The following MYL12A variants were observed in gnomAD, a reference collection of about 807,000 sequenced individuals.
The protein encoded by MYL12A is myosin regulatory light chain 12A.
In MYL12A, 11 loss-of-function variants were observed where a neutral mutation model predicts 13.3. The observed-to-expected ratio is 0.83, with a 90% CI of 0.52 to 1.37. The LOEUF (loss-of-function observed/expected upper bound fraction) is 1.37. Among genes scored for constraint, MYL12A ranks in the 40% most tolerant of loss-of-function variants. The pLI, the probability that MYL12A is intolerant of heterozygous loss-of-function variation, is 0.00. For missense variants in MYL12A, 146 were observed against 212.3 expected (o/e 0.69, Z 1.94); for synonymous variants, 51 against 69.9 (o/e 0.73, Z 1.35).
At chr18:3,255,651 G>A (rs968962346) in intron 3 of MYL12A, 95 bp from the exon 4 acceptor site, 1 of 1,391,178 alleles carries the variant, frequency 7.2e-7, no homozygotes, top group African/African-American at 1.5e-5. Flanking sequence ...TTTATAGTTT[G>A]TAACATACAG....
intron 2 of MYL12A, 159 bp downstream of exon 2, chr18:3,253,587 TCGTGACC>T (rs2081508614): frequency 1.3e-5 from 12 of 930,086 alleles, no homozygotes; most frequent in Non-Finnish European, 1.9e-5. Context: ...ACCAGCAGAT[TCGTGACC>T]CTGTCTTAGG....
At chr18:3,251,221 A>T (rs1298194758) in intron 1 of MYL12A, among the ~76,000 whole-genome samples, 1 of 152,174 alleles carries the variant, frequency 6.6e-6, no homozygotes, top group Non-Finnish European at 1.5e-5. Context: ...TGATTAAAAG[A>T]ATAGGAAATA....
intron 1 of MYL12A, among the ~76,000 whole-genome samples, chr18:3,252,062 G>A (rs545725060): frequency 1.3e-5 from 2 of 152,144 alleles, no homozygotes; most frequent in Admixed American, 1.3e-4. Context: ...CATTCTTAGG[G>A]TCACTTTGGA....
chr18:3,248,360 A>G (rs972826237), intron 1 of MYL12A: 7 of 152,204 alleles, frequency 4.6e-5, no homozygotes, highest in African/African-American at 1.7e-4. Flanking sequence ...CCGCTCCTGT[A>G]ATTAGAACTT....
In MYL12A at chr18:3,253,219, C is replaced by T; in HGVS notation, c.-15-14C>T. 2 of 1,581,438 alleles carry T rather than the reference C, an allele frequency of 1.3e-6. No individual in the cohort carries two copies. Among genetic ancestry groups the T allele is most frequent in the South Asian group, 2.3e-5 (2 of 86,880 alleles). The stretch of plus-strand genomic sequence containing the variant: ...TGTTGATTTGGTTTTTATTGTATTT[C>T]CTTTCCTAATTAGGACTTAACCACC... On this transcript the variant is annotated splice_polypyrimidine_tract_variant and intron_variant, in intron 1 of 3. Transcript: ENST00000217652.
At chr18:3,253,777 GC>G (rs2081510819) in intron 2 of MYL12A, 111 bp from the exon 3 acceptor site, 2 of 1,197,192 alleles carry the variant, frequency 1.7e-6, no homozygotes, top group African/African-American at 1.6e-5. Context: ...TCTCATGAGT[GC>G]AAACAGTAAA....
At position 3,255,680 on chromosome 18, in the gene MYL12A, T is replaced by G. The variant is rs546861041; in HGVS notation, c.344-66T>G. 2.5e-4 allele frequency: 384 copies of G among 1,526,328 alleles called. 7 individuals carry two copies. In the South Asian group the frequency reaches 4.5e-3, roughly 18 times the overall value. The allele number at this position is 1,526,328 out of a possible 1,614,324, so 94.5% of individuals were successfully genotyped here. On this transcript the variant is annotated intron_variant, in intron 3 of 3. Coordinates refer to ENST00000217652, the MANE Select transcript of MYL12A (RefSeq NM_006471.4). The stretch of plus-strand genomic sequence containing the variant: ...CATACAGAACATGCTTAGTCAAGTA[T>G]AGATATTCTTTGTAATTAACCCTCA...
intron 1 of MYL12A, chr18:3,249,640 T>G (rs543938165): frequency 6.6e-6 from 1 of 152,418 alleles, no homozygotes; most frequent in South Asian, 2.1e-4. Context: ...CTGGGTGCGG[T>G]GGCTCACGCC....
chr18:3,256,066 C>A lies in MYL12A; in HGVS notation c.*148C>A. 1 of 999,248 alleles carries A rather than the reference C, an allele frequency of 1.0e-6. No individual in the cohort carries two copies. The highest frequency in any genetic ancestry group is 1.5e-6 in the Non-Finnish European group (1 of 685,488). 61.9% of individuals were successfully genotyped at this position (999,248 alleles called of 1,614,324 possible). Reference sequence around the variant, plus strand: ...GGGCATATGTATCTTTATAATCAGACTGGAAACGGGACTTTCTATTAATAT... The same window carrying A: ...GGGCATATGTATCTTTATAATCAGAATGGAAACGGGACTTTCTATTAATAT... On this transcript the variant is annotated 3_prime_UTR_variant, in exon 4 of 4. Coordinates refer to ENST00000217652, the MANE Select transcript of MYL12A (RefSeq NM_006471.4).
intron 3 of MYL12A, 144 bp downstream of exon 3, chr18:3,254,194 C>A: frequency 1.0e-6 from 1 of 967,072 alleles, no homozygotes; most frequent in Non-Finnish European, 1.5e-6. Flanking sequence ...GCATGTTTGT[C>A]ACTCACTTTG....
At chr18:3,250,489 A>T (rs980520807) in intron 1 of MYL12A, among the ~76,000 whole-genome samples, 1 of 152,170 alleles carries the variant, frequency 6.6e-6, no homozygotes, top group Non-Finnish European at 1.5e-5. Flanking sequence ...GGTAGGGAAA[A>T]AACCCCACAG....
In MYL12A at chr18:3,252,628, A is replaced by T. The variant is rs569750908; in HGVS notation, c.-15-605A>T. ...ACTGTAATGCAAGAAACTGGTTTGG[A>T]TAGAGTGCAATGTCTATAAAAACTA... is the stretch of plus-strand genomic sequence containing the variant. On this transcript the variant is annotated intron_variant, in intron 1 of 3. Transcript: ENST00000217652. The T allele has an allele frequency of 1.5e-4, 61 of 418,878 alleles. No homozygotes were observed. In the East Asian group the frequency reaches 3.2e-3, roughly 22 times the overall value. The allele number at this position is 418,878 out of a possible 1,614,324, so 25.9% of individuals were successfully genotyped here. A position where few individuals can be genotyped will look rare whatever the true frequency, so the allele number is the denominator to read the frequency against.
intron 3 of MYL12A, 99 bp downstream of exon 3, chr18:3,254,149 G>C (rs1326263559): frequency 1.5e-6 from 2 of 1,332,200 alleles, no homozygotes; most frequent in Non-Finnish European, 2.1e-6. Context: ...TCTCAGGTTT[G>C]TACTACACCT....
intron 1 of MYL12A, chr18:3,252,284 CG>C (rs1172835538): frequency 6.6e-7 from 1 of 1,506,034 alleles, no homozygotes; most frequent in Non-Finnish European, 8.9e-7. Context: ...TGCTGCTGAG[CG>C]GTTTTGCAGA....
intron 3 of MYL12A, chr18:3,255,526 T>C: frequency 2.2e-6 from 1 of 449,844 alleles, no homozygotes; most frequent in Non-Finnish European, 3.8e-6. Flanking sequence ...GGCAGAATGA[T>C]AGAGCAAATG....
chr18:3,251,639 G>A (rs949178150), intron 1 of MYL12A, among the ~76,000 whole-genome samples: 3 of 152,100 alleles, frequency 2.0e-5, no homozygotes, highest in Admixed American at 6.5e-5. Context: ...TAACAGACGA[G>A]GAAAGTACAT....
At chr18:3,255,334 G>C (rs1365077170) in intron 3 of MYL12A, 1 of 154,402 alleles carries the variant, frequency 6.5e-6, no homozygotes. Context: ...CTTTATTGAT[G>C]TGTATGATGT....
At chr18:3,252,301 A>G (rs1431798163) in intron 1 of MYL12A, 7 of 1,532,580 alleles carry the variant, frequency 4.6e-6, no homozygotes, top group East Asian at 2.4e-5. Context: ...GCAGACTACC[A>G]TCTTCCCTGC....
chr18:3,247,647 A>G (rs906490667), upstream of MYL12A: 1 of 152,284 alleles, frequency 6.6e-6, no homozygotes, highest in Non-Finnish European at 1.5e-5. Flanking sequence ...ATTGCTCTAT[A>G]TTCTAGGTCG....
Sources: gnomAD v4.1 joint callset for allele counts (sites outside exome capture counted in the v4.1 genomes callset) on GRCh38, gnomAD v4.1.1 for gene constraint, MANE v1.5 for transcripts, NCBI Gene and HGNC (gene_info 2026-07-23, HGNC 2026-07-21) for gene names.